Variants in CFAP95 observed in about 807,000 individuals in gnomAD.
CFAP95 encodes the protein cilia- and flagella-associated protein 95.
At chr9:69,853,162 AAG>A in the CFAP95 span, among the ~76,000 whole-genome samples, 1 of 152,210 alleles carries the variant, frequency 6.6e-6, no homozygotes, top group Non-Finnish European at 1.5e-5. Context: ...ATCTTGCCAT[AAG>A]AGATTCTGCC....
chr9:69,821,210 A>T, the CFAP95 span, among the ~76,000 whole-genome samples: 11 of 152,144 alleles, frequency 7.2e-5, no homozygotes, highest in East Asian at 2.1e-3. Context: ...AAATGAGAAG[A>T]AAGGTGAGAA....
the CFAP95 span, among the ~76,000 whole-genome samples, chr9:69,895,015 A>G: frequency 6.6e-6 from 1 of 151,228 alleles, no homozygotes; most frequent in South Asian, 2.1e-4. Context: ...AAAAAAAAAG[A>G]CTAGGGTTAG....
chr9:69,864,052 A>G, the CFAP95 span, among the ~76,000 whole-genome samples: 43 of 152,138 alleles, frequency 2.8e-4, no homozygotes, highest in Non-Finnish European at 5.1e-4. Context: ...CCCCAGGAGT[A>G]CTGAGTTCCC....
At chr9:69,872,255 T>C in the CFAP95 span, among the ~76,000 whole-genome samples, 2 of 152,348 alleles carry the variant, frequency 1.3e-5, no homozygotes, top group South Asian at 2.1e-4. Flanking sequence ...TCTATATCTT[T>C]CAGAGTACTT....
At chr9:69,843,606 C>A in the CFAP95 span, among the ~76,000 whole-genome samples, 3 of 74,686 alleles carry the variant, frequency 4.0e-5, 1 homozygote, top group Admixed American at 3.1e-4. Flanking sequence ...TCTTCTTCTT[C>A]TTCTTCTTCT....
At chr9:69,886,435 TG>T in the CFAP95 span, among the ~76,000 whole-genome samples, 162 of 152,352 alleles carry the variant, frequency 1.1e-3, no homozygotes, top group African/African-American at 3.6e-3. Flanking sequence ...ATGCTAGTTT[TG>T]CTGTTGTATC....
the CFAP95 span, among the ~76,000 whole-genome samples, chr9:69,889,628 G>A: frequency 6.6e-6 from 1 of 152,064 alleles, no homozygotes; most frequent in Non-Finnish European, 1.5e-5. Context: ...GTGGATTTGA[G>A]AAATTTCTCC....
At chr9:69,873,835 GC>G in the CFAP95 span, among the ~76,000 whole-genome samples, 237 of 152,296 alleles carry the variant, frequency 1.6e-3, 1 homozygote, top group Non-Finnish European at 3.4e-4. Flanking sequence ...GATTCTGTGG[GC>G]TTGGGTACAT....
At chr9:69,897,845 C>G in the CFAP95 span, among the ~76,000 whole-genome samples, 4 of 152,274 alleles carry the variant, frequency 2.6e-5, no homozygotes, top group East Asian at 5.8e-4. Context: ...GGGGGAACCA[C>G]TCACTAGGAG....
the CFAP95 span, among the ~76,000 whole-genome samples, chr9:69,855,802 T>G: frequency 2.0e-5 from 3 of 152,198 alleles, no homozygotes; most frequent in African/African-American, 7.2e-5. Flanking sequence ...GCTCTGGTTT[T>G]CTAAAGAGTG....
At chr9:69,873,418 G>T in the CFAP95 span, among the ~76,000 whole-genome samples, 19 of 139,642 alleles carry the variant, frequency 1.4e-4, no homozygotes, top group African/African-American at 2.0e-4. Flanking sequence ...AAGTTTTTTT[G>T]TTTGTTTGTT....
the CFAP95 span, chr9:69,885,036 C>T: frequency 1.3e-5 from 2 of 152,230 alleles, no homozygotes; most frequent in Middle Eastern, 3.4e-3. Flanking sequence ...ACCAAGTATT[C>T]GCATTTCTGT....
chr9:69,831,462 G>A, the CFAP95 span, among the ~76,000 whole-genome samples: 4 of 151,922 alleles, frequency 2.6e-5, no homozygotes, highest in Non-Finnish European at 4.4e-5. Context: ...TATTAAAAGT[G>A]TATTTATGAA....
the CFAP95 span, among the ~76,000 whole-genome samples, chr9:69,872,652 C>T: frequency 6.6e-6 from 1 of 152,140 alleles, no homozygotes; most frequent in Admixed American, 6.5e-5. Flanking sequence ...TTCCTCTCCA[C>T]CTCTTACCCA....
At chr9:69,843,183 A>C in the CFAP95 span, among the ~76,000 whole-genome samples, 1 of 152,024 alleles carries the variant, frequency 6.6e-6, no homozygotes, top group Non-Finnish European at 1.5e-5. Flanking sequence ...ACACCTACCA[A>C]AGTCCCTGGC....
chr9:69,903,558 T>C, the CFAP95 span, among the ~76,000 whole-genome samples: 4 of 152,204 alleles, frequency 2.6e-5, no homozygotes, highest in African/African-American at 7.2e-5. Flanking sequence ...AACTTGAAGT[T>C]AGCCTTAGTG....
the CFAP95 span, among the ~76,000 whole-genome samples, chr9:69,841,195 T>C: frequency 7.3e-6 from 1 of 136,346 alleles, no homozygotes; most frequent in African/African-American, 2.7e-5. Flanking sequence ...TATATATATA[T>C]ATTTCTGATT....
At chr9:69,827,768 A>G in the CFAP95 span, among the ~76,000 whole-genome samples, 1 of 152,042 alleles carries the variant, frequency 6.6e-6, no homozygotes, top group Non-Finnish European at 1.5e-5. Context: ...CTTGCAGGGG[A>G]CTACAGATAC....
the CFAP95 span, among the ~76,000 whole-genome samples, chr9:69,888,987 C>T: frequency 6.6e-6 from 1 of 152,090 alleles, no homozygotes; most frequent in Non-Finnish European, 1.5e-5. Context: ...ACATTCATCA[C>T]TGAATTATTT....
Sources: allele counts gnomAD v4.1 joint callset (sites outside exome capture counted in the v4.1 genomes callset), GRCh38; gene constraint gnomAD v4.1.1; transcripts MANE v1.5; gene names NCBI Gene and HGNC (gene_info 2026-07-23, HGNC 2026-07-21).